Variants in ZFTRAF1 observed in about 807,000 individuals in gnomAD.
ZFTRAF1 encodes the protein zinc finger TRAF-type and ring finger containing 1.
At chr8:144,461,141 G>A in the ZFTRAF1 span, among the ~76,000 whole-genome samples, 1 of 152,206 alleles carries the variant, frequency 6.6e-6, no homozygotes, top group African/African-American at 2.4e-5. Flanking sequence ...GCCACAGCAA[G>A]AAGGACTTGG....
chr8:144,454,218 A>C, the ZFTRAF1 span: 1 of 152,362 alleles, frequency 6.6e-6, no homozygotes, highest in Non-Finnish European at 1.5e-5. Flanking sequence ...CCAGTGGCCT[A>C]TCCTGGCTCT....
the ZFTRAF1 span, chr8:144,450,227 A>G: frequency 1.7e-6 from 1 of 600,184 alleles, no homozygotes. Context: ...CCCGTCGCGC[A>G]CGCATGCAGA....
the ZFTRAF1 span, chr8:144,451,769 G>A: frequency 3.6e-5 from 6 of 166,318 alleles, no homozygotes; most frequent in East Asian, 1.7e-4. Flanking sequence ...AGAGAGCCAC[G>A]AGATCCAGTG....
the ZFTRAF1 span, among the ~76,000 whole-genome samples, chr8:144,461,785 G>A: frequency 1.3e-5 from 2 of 152,194 alleles, no homozygotes; most frequent in Non-Finnish European, 2.9e-5. Flanking sequence ...GGTAGAAAAG[G>A]AGGCGTCCAT....
the ZFTRAF1 span, chr8:144,452,693 GCCCA>G: frequency 6.7e-6 from 6 of 889,036 alleles, no homozygotes; most frequent in Non-Finnish European, 5.1e-6. Context: ...GTAACTGTGA[GCCCA>G]CCCCCCAGGA....
the ZFTRAF1 span, chr8:144,453,521 C>G: frequency 7.0e-7 from 1 of 1,418,782 alleles, no homozygotes; most frequent in African/African-American, 1.4e-5. Context: ...CGCACACACC[C>G]GCCCATGCCC....
chr8:144,457,351 G>A, the ZFTRAF1 span: 1 of 152,188 alleles, frequency 6.6e-6, no homozygotes, highest in East Asian at 1.9e-4. Context: ...GTGCACAGGT[G>A]ATGAGTATAG....
At chr8:144,462,286 G>A in the ZFTRAF1 span, 8 of 591,226 alleles carry the variant, frequency 1.4e-5, no homozygotes, top group African/African-American at 1.4e-4. Context: ...GCCCTACCTG[G>A]TACACGGAGG....
chr8:144,450,059 C>A, the ZFTRAF1 span: 1 of 386,704 alleles, frequency 2.6e-6, no homozygotes, highest in Non-Finnish European at 4.9e-6. Context: ...CACAGAAGGG[C>A]TGGGGCAGGG....
chr8:144,462,340 G>A, the ZFTRAF1 span: 32 of 511,428 alleles, frequency 6.3e-5, no homozygotes, highest in African/African-American at 4.4e-4. Flanking sequence ...GCACCGAGTA[G>A]AGCCGCTCCT....
At chr8:144,450,346 C>A in the ZFTRAF1 span, 9 of 702,898 alleles carry the variant, frequency 1.3e-5, no homozygotes, top group Non-Finnish European at 2.1e-5. Flanking sequence ...GGGATGCCGC[C>A]CGTGGGCTCC....
the ZFTRAF1 span, chr8:144,453,147 G>T: frequency 7.6e-7 from 1 of 1,323,188 alleles, no homozygotes; most frequent in Non-Finnish European, 1.0e-6. Flanking sequence ...CCTGCACAGG[G>T]CCCTGCTGCA....
the ZFTRAF1 span, chr8:144,450,136 C>T: frequency 3.9e-6 from 2 of 511,458 alleles, no homozygotes; most frequent in Admixed American, 6.4e-5. Context: ...TGCACCGTCT[C>T]CTCTTCGGGT....
the ZFTRAF1 span, among the ~76,000 whole-genome samples, chr8:144,461,193 C>T: frequency 1.3e-5 from 2 of 152,222 alleles, no homozygotes; most frequent in Non-Finnish European, 2.9e-5. Context: ...ACTAGCCCTA[C>T]ACCACCTGCT....
chr8:144,462,843 G>C, the ZFTRAF1 span: 10 of 152,774 alleles, frequency 6.5e-5, no homozygotes, highest in Admixed American at 5.3e-4. Flanking sequence ...CCCCGGCACG[G>C]CCGCCATCTT....
At chr8:144,455,697 T>C in the ZFTRAF1 span, 2 of 152,310 alleles carry the variant, frequency 1.3e-5, no homozygotes, top group African/African-American at 2.4e-5. Flanking sequence ...AGCACTCTTC[T>C]TGGCTGTGGC....
At chr8:144,460,784 G>A in the ZFTRAF1 span, among the ~76,000 whole-genome samples, 3 of 152,226 alleles carry the variant, frequency 2.0e-5, no homozygotes, top group Non-Finnish European at 4.4e-5. Flanking sequence ...TCGGGAGGCT[G>A]AGGTAGGGAG....
the ZFTRAF1 span, chr8:144,455,480 A>AG: frequency 2.6e-5 from 4 of 152,160 alleles, no homozygotes; most frequent in African/African-American, 7.2e-5. Flanking sequence ...TACAGGCAGG[A>AG]GGGGGCACAG....
At chr8:144,453,235 CCT>C in the ZFTRAF1 span, 1 of 1,550,922 alleles carries the variant, frequency 6.4e-7, no homozygotes, top group Non-Finnish European at 8.7e-7. Context: ...TCCTGGCATT[CCT>C]CTTTCTGGTG....
Sources: gnomAD v4.1 joint callset for allele counts (sites outside exome capture counted in the v4.1 genomes callset) on GRCh38, gnomAD v4.1.1 for gene constraint, MANE v1.5 for transcripts, NCBI Gene and HGNC (gene_info 2026-07-23, HGNC 2026-07-21) for gene names.